The following PLCB1 variants were observed in gnomAD, a reference collection of about 807,000 sequenced individuals.
PLCB1 encodes the protein phospholipase C beta 1.
PLCB1 carries 46 observed loss-of-function variants against 161.8 expected under a neutral mutation model. The ratio of observed to expected loss-of-function variants is 0.28; its 90% CI spans 0.22 to 0.36. PLCB1 has a LOEUF of 0.36. PLCB1 is among the 10% of genes least tolerant of loss of function. The pLI, the probability that PLCB1 is intolerant of heterozygous loss-of-function variation, is 1.00. For synonymous variants in PLCB1, 517 were observed against 503.7 expected, an observed-to-expected ratio of 1.03 and a Z score of -0.35; for missense variants, 1,016 against 1,472.5, an observed-to-expected ratio of 0.69 and a Z score of 5.07.
At chr20:8,446,159 A>G (rs770555696) in intron 3 of PLCB1, among the ~76,000 whole-genome samples, 6 of 152,220 alleles carry the variant, frequency 3.9e-5, no homozygotes, top group African/African-American at 1.4e-4. Flanking sequence ...AAAATCCTCA[A>G]TAAAATGCTG....
chr20:8,504,740 G>A (rs1983562711), intron 3 of PLCB1, among the ~76,000 whole-genome samples: 1 of 148,186 alleles, frequency 6.7e-6, no homozygotes, highest in East Asian at 1.9e-4. Flanking sequence ...GTGCCCTCTG[G>A]AATGTTTGGC....
intron 3 of PLCB1, among the ~76,000 whole-genome samples, chr20:8,524,639 A>G (rs1377868338): frequency 1.3e-5 from 2 of 152,196 alleles, no homozygotes; most frequent in African/African-American, 2.4e-5. Flanking sequence ...CAGATGAGGC[A>G]ATTAAGAAGT....
At chr20:8,621,406 A>T (rs193019459) in intron 3 of PLCB1, among the ~76,000 whole-genome samples, 1 of 152,314 alleles carries the variant, frequency 6.6e-6, no homozygotes, top group African/African-American at 2.4e-5. Flanking sequence ...TACTGACTCA[A>T]TGAGGAGGAA....
chr20:8,132,521 G>C lies in PLCB1; in HGVS notation c.-131G>C. The stretch of plus-strand genomic sequence containing the variant: ...GGTGCGGAGGCCGGGAGGCCGGGGA[G>C]GCCGGCGGGGAGCAGAGTCGAGCGC... On this transcript the variant is annotated 5_prime_UTR_variant, in exon 1 of 32. Transcript: ENST00000338037. This position sits in a 1 kb window ranked among gnomAD's most constrained non-coding sequence, Gnocchi z 5.2. 2.2e-6 allele frequency: 1 copy of C among 463,626 alleles called. No homozygotes were observed. The highest frequency in any genetic ancestry group is 3.6e-6 in the Non-Finnish European group (1 of 275,316). The allele number at this position is 463,626 out of a possible 1,614,324, so 28.7% of individuals were successfully genotyped here.
intron 3 of PLCB1, among the ~76,000 whole-genome samples, chr20:8,550,481 C>G (rs571415331): frequency 1.3e-5 from 2 of 152,074 alleles, no homozygotes; most frequent in African/African-American, 4.8e-5. Flanking sequence ...CTCTCATTCT[C>G]TCTTCTGTCA....
At chr20:8,471,750 C>T (rs1982062828) in intron 3 of PLCB1, among the ~76,000 whole-genome samples, 1 of 152,082 alleles carries the variant, frequency 6.6e-6, no homozygotes, top group Non-Finnish European at 1.5e-5. Flanking sequence ...CATGCTGCTC[C>T]TCAGGGTTCA....
At chr20:8,663,174 A>G (rs538986046) in intron 9 of PLCB1, among the ~76,000 whole-genome samples, 1 of 151,848 alleles carries the variant, frequency 6.6e-6, no homozygotes, top group Admixed American at 6.6e-5. Flanking sequence ...ATAGAATATA[A>G]ACATATATAT....
intron 2 of PLCB1, among the ~76,000 whole-genome samples, chr20:8,333,504 G>T (rs1414419539): frequency 6.6e-6 from 1 of 152,088 alleles, no homozygotes; most frequent in African/African-American, 2.4e-5. Context: ...GGGCAATATT[G>T]TCCTTATCTC....
intron 18 of PLCB1, among the ~76,000 whole-genome samples, chr20:8,730,559 T>C (rs1875509840): frequency 1.3e-5 from 2 of 151,846 alleles, no homozygotes; most frequent in Admixed American, 6.6e-5. Context: ...TTCAATTCCT[T>C]TTTTGCCATT....
intron 3 of PLCB1, among the ~76,000 whole-genome samples, chr20:8,442,606 T>C (rs1980609581): frequency 6.6e-6 from 1 of 152,198 alleles, no homozygotes; most frequent in Admixed American, 6.5e-5. Context: ...TAAAGCTCAG[T>C]CCAATGAATA....
At chr20:8,409,649 G>A (rs1978953717) in intron 3 of PLCB1, among the ~76,000 whole-genome samples, 1 of 151,816 alleles carries the variant, frequency 6.6e-6, no homozygotes, top group African/African-American at 2.4e-5. Flanking sequence ...TTTTAGTAGA[G>A]ATCGGGTTTC....
chr20:8,433,655 G>A lies in PLCB1; in HGVS notation c.246+62205G>A, dbSNP rs1980159560. On this transcript the variant is annotated intron_variant, in intron 3 of 31. Transcript: ENST00000338037. ...GAAAATTTATAACGGACATAAAAGG[G>A]AGTTGGCATAGAGTTAATGTTCAGT... Among the ~76,000 whole-genome samples the A allele has an allele frequency of 2.0e-5, 3 of 146,768 alleles. No homozygotes were observed. The South Asian group carries it at 6.5e-4, about 32-fold the overall frequency.
chr20:8,326,668 C>A (rs1290694645), intron 2 of PLCB1, among the ~76,000 whole-genome samples: 2 of 152,082 alleles, frequency 1.3e-5, no homozygotes, highest in African/African-American at 4.8e-5. Context: ...CTGGGAAACC[C>A]CCAATGTCTT....
intron 4 of PLCB1, among the ~76,000 whole-genome samples, chr20:8,632,125 T>C (rs898374813): frequency 7.2e-6 from 1 of 138,048 alleles, no homozygotes; most frequent in African/African-American, 2.7e-5. Flanking sequence ...TGAAAGGCCA[T>C]AATTTTGACT....
chr20:8,591,434 G>A (rs189933798), intron 3 of PLCB1, among the ~76,000 whole-genome samples: 3 of 152,216 alleles, frequency 2.0e-5, no homozygotes, highest in Non-Finnish European at 4.4e-5. Context: ...AGAACATAAA[G>A]AATCAAAGAG....
chr20:8,139,391 C>T (rs374392106), intron 1 of PLCB1, among the ~76,000 whole-genome samples: 3 of 152,026 alleles, frequency 2.0e-5, no homozygotes, highest in Non-Finnish European at 2.9e-5. Context: ...CCACCGCACC[C>T]GGCCTTCAAG....
At chr20:8,789,256 A>G (rs1983634890) in intron 29 of PLCB1, among the ~76,000 whole-genome samples, 1 of 152,100 alleles carries the variant, frequency 6.6e-6, no homozygotes, top group South Asian at 2.1e-4. Flanking sequence ...GTGCACACCT[A>G]TATTTCCAGC....
intron 31 of PLCB1, among the ~76,000 whole-genome samples, chr20:8,828,159 A>G (rs549037636): frequency 6.6e-6 from 1 of 152,240 alleles, no homozygotes; most frequent in African/African-American, 2.4e-5. Context: ...GGGGGGTGTG[A>G]TGGTGGATGG....
intron 24 of PLCB1, among the ~76,000 whole-genome samples, chr20:8,758,693 T>C (rs1346291111): frequency 6.6e-6 from 1 of 152,234 alleles, no homozygotes; most frequent in Non-Finnish European, 1.5e-5. Flanking sequence ...ACATCTTGAA[T>C]GCTTCTGAAA....
Sources: gnomAD v4.1 joint callset for allele counts (sites outside exome capture counted in the v4.1 genomes callset) on GRCh38, gnomAD v4.1.1 for gene constraint, Gnocchi (gnomAD v3.1) non-coding constraint, MANE v1.5 for transcripts, NCBI Gene and HGNC (gene_info 2026-07-23, HGNC 2026-07-21) for gene names.